The following GLIS3 variants were observed in gnomAD, a reference collection of about 807,000 sequenced individuals.
GLIS3 encodes the protein zinc finger protein GLIS3.
GLIS3 carries 53 observed loss-of-function variants against 78.6 expected under a neutral mutation model. The ratio of observed to expected loss-of-function variants is 0.67; its 90% CI spans 0.54 to 0.85. The LOEUF (loss-of-function observed/expected upper bound fraction) is 0.85, where lower values mean the gene tolerates loss of function less well. Ranked by LOEUF, GLIS3 falls within the 40% of genes least tolerant of loss-of-function variation. The probability of loss-of-function intolerance (pLI) is 0.00; values close to 1 mark genes in which losing one functional copy is unlikely to be tolerated. For missense variants in GLIS3, 1,703 were observed against 1,231.1 expected, an observed-to-expected ratio of 1.38 and a Z score of -5.74; for synonymous variants, 684 against 509.9, an observed-to-expected ratio of 1.34 and a Z score of -4.60.
At chr9:4,443,402 A>G in the GLIS3 span, among the ~76,000 whole-genome samples, 1,267 of 152,356 alleles carry the variant, frequency 8.3e-3, 16 homozygotes, top group African/African-American at 0.029. Flanking sequence ...TCTCCCTTGA[A>G]TCAATGAATG....
At chr9:4,338,425 C>G (rs923869265) in intron 2 of GLIS3, among the ~76,000 whole-genome samples, 1 of 151,770 alleles carries the variant, frequency 6.6e-6, no homozygotes, top group African/African-American at 2.4e-5. Flanking sequence ...TTTAAACAAG[C>G]TCCCTGGATT....
At chr9:3,967,040 A>AAAAAAAAG (rs1226736845) in intron 4 of GLIS3, among the ~76,000 whole-genome samples, 16 of 129,718 alleles carry the variant, frequency 1.2e-4, no homozygotes, top group South Asian at 2.4e-4. Flanking sequence ...AAAACAAAAA[A>AAAAAAAAG]ACATTTTGAG....
chr9:3,955,251 T>C (rs1396602862), intron 4 of GLIS3, among the ~76,000 whole-genome samples: 1 of 152,182 alleles, frequency 6.6e-6, no homozygotes, highest in East Asian at 1.9e-4. Flanking sequence ...TGAAGACACG[T>C]GGTGTTCTGC....
chr9:3,861,189 C>A (rs1264051329), intron 8 of GLIS3, among the ~76,000 whole-genome samples: 1 of 152,018 alleles, frequency 6.6e-6, no homozygotes, highest in Non-Finnish European at 1.5e-5. Context: ...GACTGTGGTC[C>A]CAGCAATGTA....
chr9:4,003,948 C>A (rs1310245999), intron 4 of GLIS3, among the ~76,000 whole-genome samples: 2 of 152,162 alleles, frequency 1.3e-5, no homozygotes, highest in African/African-American at 4.8e-5. Context: ...TTCATTAGTA[C>A]ATTCCACTTA....
the GLIS3 span, among the ~76,000 whole-genome samples, chr9:4,483,063 C>G: frequency 1.3e-5 from 2 of 152,274 alleles, no homozygotes; most frequent in South Asian, 4.1e-4. Context: ...AAGGGAAATG[C>G]CTCTCAACTT....
chr9:3,979,510 T>C (rs1370110505), intron 4 of GLIS3, among the ~76,000 whole-genome samples: 1 of 152,254 alleles, frequency 6.6e-6, no homozygotes, highest in East Asian at 1.9e-4. Context: ...TTTCAGGCTA[T>C]GTGACTTTGG....
At chr9:4,349,893 G>C (rs529142224), upstream of GLIS3, among the ~76,000 whole-genome samples, 6 of 152,294 alleles carry the variant, frequency 3.9e-5, no homozygotes, top group East Asian at 1.2e-3. Flanking sequence ...AGTTGAACTA[G>C]AAATCGATGA....
chr9:4,251,671 C>A (rs1338048201), intron 2 of GLIS3, among the ~76,000 whole-genome samples: 1 of 152,044 alleles, frequency 6.6e-6, no homozygotes, highest in African/African-American at 2.4e-5. Context: ...GGTTATTTTG[C>A]CCATTAGTTG....
intron 4 of GLIS3, among the ~76,000 whole-genome samples, chr9:4,032,116 G>A (rs965014004): frequency 1.3e-5 from 2 of 152,202 alleles, no homozygotes; most frequent in African/African-American, 2.4e-5. Context: ...GAGACCCACC[G>A]TCAGGCAGAT....
intron 2 of GLIS3, among the ~76,000 whole-genome samples, chr9:4,142,098 C>G (rs1833858563): frequency 6.6e-6 from 1 of 152,176 alleles, no homozygotes. Context: ...AGTAGGTGCT[C>G]ACTTACAACC....
intron 9 of GLIS3, among the ~76,000 whole-genome samples, chr9:3,841,070 A>G (rs1303194787): frequency 6.6e-6 from 1 of 152,166 alleles, no homozygotes; most frequent in Non-Finnish European, 1.5e-5. Context: ...ATAGGGGGGA[A>G]AAAACCGAGT....
At chr9:4,090,855 T>C (rs754428193) in intron 4 of GLIS3, among the ~76,000 whole-genome samples, 8 of 152,236 alleles carry the variant, frequency 5.3e-5, no homozygotes, top group Non-Finnish European at 8.8e-5. Flanking sequence ...GTCACTAGAC[T>C]GTACATTCTG....
chr9:4,266,022 C>T (rs923031082), intron 2 of GLIS3, among the ~76,000 whole-genome samples: 11 of 151,920 alleles, frequency 7.2e-5, no homozygotes, highest in African/African-American at 2.7e-4. Flanking sequence ...AGGTTCACAC[C>T]ATTCTCCTGC....
intron 2 of GLIS3, among the ~76,000 whole-genome samples, chr9:4,268,758 G>C (rs894873544): frequency 6.6e-6 from 1 of 152,130 alleles, no homozygotes; most frequent in Non-Finnish European, 1.5e-5. Flanking sequence ...GTTACTAGGA[G>C]ACCAGTTTAT....
At chr9:3,832,634 G>A (rs1818114366) in intron 9 of GLIS3, among the ~76,000 whole-genome samples, 1 of 152,180 alleles carries the variant, frequency 6.6e-6, no homozygotes, top group African/African-American at 2.4e-5. Flanking sequence ...ATACCTGGAG[G>A]CCAGGCACAG....
chr9:4,467,340 G>A, the GLIS3 span, among the ~76,000 whole-genome samples: 6 of 152,314 alleles, frequency 3.9e-5, no homozygotes, highest in African/African-American at 1.4e-4. Flanking sequence ...CTCCTCAAGT[G>A]GGTCCCTGAG....
At chr9:4,265,733 G>A (rs895890837) in intron 2 of GLIS3, among the ~76,000 whole-genome samples, 3 of 152,128 alleles carry the variant, frequency 2.0e-5, no homozygotes, top group Admixed American at 6.6e-5. Flanking sequence ...GGGTGCTGAG[G>A]CATCAAATGG....
intron 8 of GLIS3, among the ~76,000 whole-genome samples, chr9:3,862,957 C>T (rs897924479): frequency 2.6e-5 from 4 of 151,994 alleles, no homozygotes; most frequent in Middle Eastern, 3.4e-3. Flanking sequence ...TCATCTGTGG[C>T]GGTTTTAAAA....
Sources: allele counts gnomAD v4.1 joint callset (sites outside exome capture counted in the v4.1 genomes callset), GRCh38; gene constraint gnomAD v4.1.1; transcripts MANE v1.5; gene names NCBI Gene and HGNC (gene_info 2026-07-23, HGNC 2026-07-21).